The following KIAA0232 variants were observed in gnomAD, a reference collection of about 807,000 sequenced individuals.
KIAA0232 encodes the protein KIAA0232.
In KIAA0232, 27 loss-of-function variants were observed where a neutral mutation model predicts 122.0. That is an observed-to-expected ratio of 0.22 (90% confidence interval 0.16 to 0.31). KIAA0232 has a LOEUF of 0.31. KIAA0232 is among the 10% of genes least tolerant of loss of function. KIAA0232 has a pLI of 1.00. For missense variants in KIAA0232, 1,551 were observed against 1,634.2 expected, an observed-to-expected ratio of 0.95 and a Z score of 0.88; for synonymous variants, 613 against 587.6, an observed-to-expected ratio of 1.04 and a Z score of -0.63.
intron 3 of KIAA0232, among the ~76,000 whole-genome samples, chr4:6,839,694 C>T (rs538857565): frequency 5.3e-5 from 8 of 152,110 alleles, no homozygotes; most frequent in Middle Eastern, 3.4e-3. Flanking sequence ...GGGGCAGGCC[C>T]GCAGGAAACA....
intron 2 of KIAA0232, among the ~76,000 whole-genome samples, chr4:6,808,526 C>CTT (rs1053423696): frequency 6.7e-6 from 1 of 149,756 alleles, no homozygotes; most frequent in African/African-American, 2.5e-5. Flanking sequence ...GTACAAGTTG[C>CTT]TTTACATAAG....
At chr4:6,846,594 C>T (rs955377077) in intron 4 of KIAA0232, among the ~76,000 whole-genome samples, 1 of 151,882 alleles carries the variant, frequency 6.6e-6, no homozygotes, top group Non-Finnish European at 1.5e-5. Flanking sequence ...GAAACCAGTC[C>T]CTGGTGCCAA....
chr4:6,783,419 C>T (rs1248173012), intron 1 of KIAA0232, among the ~76,000 whole-genome samples: 7 of 152,182 alleles, frequency 4.6e-5, no homozygotes, highest in Admixed American at 3.9e-4. Flanking sequence ...GGAGACGAGG[C>T]GGGGGTGCTT....
At chr4:6,835,524 T>A (rs1187386847) in intron 3 of KIAA0232, among the ~76,000 whole-genome samples, 1 of 152,218 alleles carries the variant, frequency 6.6e-6, no homozygotes, top group Non-Finnish European at 1.5e-5. Flanking sequence ...ATGTGCAGGT[T>A]CGTTACATAG....
intron 4 of KIAA0232, 28 bp downstream of exon 4, chr4:6,842,232 TAAGAG>T: frequency 1.7e-5 from 26 of 1,563,910 alleles, no homozygotes; most frequent in Non-Finnish European, 2.1e-5. Flanking sequence ...TTCTAACACT[TAAGAG>T]AATAAAAGAA....
intron 6 of KIAA0232, 129 bp downstream of exon 6, chr4:6,858,635 C>G (rs534031891): frequency 1.6e-6 from 1 of 609,474 alleles, no homozygotes; most frequent in Non-Finnish European, 2.8e-6. Context: ...AAACATTTAT[C>G]GAGCGCTTAT....
In KIAA0232 at chr4:6,882,642, GTGTGTGCGCGCGTGC is replaced by G. The variant is rs1722136997; in HGVS notation, c.*1677_*1691del. On this transcript the variant is annotated 3_prime_UTR_variant, in exon 10 of 10. Transcript: ENST00000307659. ...GGTGGGTGGGTGTGTGTGTGTGTGT[GTGTGTGCGCGCGTGC>G]GCGCGCGCATGTGTAAGGTTTTATG... 1.3e-5 allele frequency: 2 copies of G among 152,458 alleles called. No homozygotes were observed. Among genetic ancestry groups the G allele is most frequent in the Non-Finnish European group, 1.5e-5 (1 of 68,034 alleles). The allele number at this position is 152,458 out of a possible 1,614,324, so 9.4% of individuals were successfully genotyped here.
chr4:6,839,102 G>A (rs1366957945), intron 3 of KIAA0232, among the ~76,000 whole-genome samples: 1 of 152,130 alleles, frequency 6.6e-6, no homozygotes, highest in South Asian at 2.1e-4. Flanking sequence ...CTCCAGCCTG[G>A]GTTACAGAGC....
At chr4:6,796,241 A>G (rs560819053) in intron 1 of KIAA0232, among the ~76,000 whole-genome samples, 1 of 151,702 alleles carries the variant, frequency 6.6e-6, no homozygotes, top group South Asian at 2.1e-4. Flanking sequence ...CCTTCCCTAT[A>G]TTGTTCTTTT....
At chr4:6,815,120 C>G (rs1231294180) in intron 2 of KIAA0232, among the ~76,000 whole-genome samples, 1 of 151,516 alleles carries the variant, frequency 6.6e-6, no homozygotes, top group Non-Finnish European at 1.5e-5. Flanking sequence ...TAAAATTTAA[C>G]TTCGTATTGA....
chr4:6,810,775 T>C (rs1717841413), intron 2 of KIAA0232, among the ~76,000 whole-genome samples: 1 of 152,046 alleles, frequency 6.6e-6, no homozygotes, highest in Non-Finnish European at 1.5e-5. Flanking sequence ...GGCAAAGACA[T>C]GAATAGACTT....
chr4:6,795,170 A>G (rs763775238), intron 1 of KIAA0232, among the ~76,000 whole-genome samples: 9 of 152,174 alleles, frequency 5.9e-5, no homozygotes, highest in Non-Finnish European at 1.2e-4. Context: ...TTCCGGGTTC[A>G]TGCCATTCTC....
rs35065828 is a variant in KIAA0232 at position 6,871,959 on chromosome 4, G to A, written c.3910+277G>A. On this transcript the variant is annotated intron_variant, in intron 8 of 9. Coordinates refer to ENST00000307659, the MANE Select transcript of KIAA0232 (RefSeq NM_014743.3). ...AAGCCACCACTGAGTCACAGAGGAG[G>A]AAACAGCGGGCAGTCCCTGTGAAGA... is the stretch of plus-strand genomic sequence containing the variant. Among the ~76,000 whole-genome samples, 1,296 of 152,284 alleles carry A rather than the reference G, an allele frequency of 8.5e-3. 18 individuals carry two copies. Among genetic ancestry groups the A allele is most frequent in the African/African-American group, 0.03 (1,243 of 41,550 alleles).
At position 6,825,572 on chromosome 4, in the gene KIAA0232, C is replaced by CGAGAGA. The variant is rs111362007; in HGVS notation, c.231+905_231+910dup. ...CCTGTCTCTCTCTCGCACGCATACA[C>CGAGAGA]GAGAGAGAGAGAGAGAGAGAGAAAG... On this transcript the variant is annotated intron_variant, in intron 3 of 9. Coordinates refer to ENST00000307659, the MANE Select transcript of KIAA0232 (RefSeq NM_014743.3). Among the ~76,000 whole-genome samples, 64 of 147,262 alleles carry CGAGAGA rather than the reference C, an allele frequency of 4.3e-4. 1 individual carries two copies. The South Asian group carries it at 0.01, about 24-fold the overall frequency.
chr4:6,802,120 G>T (rs1396346858), intron 1 of KIAA0232, among the ~76,000 whole-genome samples: 1 of 152,204 alleles, frequency 6.6e-6, no homozygotes, highest in Non-Finnish European at 1.5e-5. Flanking sequence ...GTTGATTAGG[G>T]CTTGCTCGTA....
intron 3 of KIAA0232, among the ~76,000 whole-genome samples, chr4:6,828,286 A>C (rs1385051141): frequency 6.6e-6 from 1 of 152,216 alleles, no homozygotes; most frequent in African/African-American, 2.4e-5. Flanking sequence ...AGGTAGGAGG[A>C]TCGCTTGAGC....
chr4:6,795,237 A>AT (rs1228871518), intron 1 of KIAA0232, among the ~76,000 whole-genome samples: 1 of 151,910 alleles, frequency 6.6e-6, no homozygotes, highest in Admixed American at 6.6e-5. Flanking sequence ...CGCCTAGCTA[A>AT]TTTTTTTGTA....
intron 9 of KIAA0232, among the ~76,000 whole-genome samples, chr4:6,880,303 A>C (rs79930055): frequency 4.4e-3 from 224 of 51,282 alleles, no homozygotes; most frequent in Middle Eastern, 0.025. Flanking sequence ...CCCAACACAC[A>C]GGTCTGTAGT....
At chr4:6,856,359 T>G (rs998652912) in intron 4 of KIAA0232, among the ~76,000 whole-genome samples, 1 of 152,188 alleles carries the variant, frequency 6.6e-6, no homozygotes, top group African/African-American at 2.4e-5. Flanking sequence ...ATACATTGAC[T>G]TTTTTTGTCC....
Sources: allele counts gnomAD v4.1 joint callset (sites outside exome capture counted in the v4.1 genomes callset), GRCh38; gene constraint gnomAD v4.1.1; transcripts MANE v1.5; gene names NCBI Gene and HGNC (gene_info 2026-07-23, HGNC 2026-07-21).